Variants in TRMT2B observed in about 807,000 individuals in gnomAD.
TRMT2B encodes tRNA methyltransferase 2B.
A neutral mutation model predicts 39.7 loss-of-function variants in TRMT2B; 34 were observed. The observed-to-expected ratio is 0.86, with a 90% CI of 0.65 to 1.14. The LOEUF is 1.14. Among genes scored for constraint, TRMT2B ranks in the 50% most tolerant of loss-of-function variants. The pLI is 0.00. For missense variants in TRMT2B, 318 were observed against 377.2 expected (o/e 0.84, Z 1.30); for synonymous variants, 132 against 137.3 (o/e 0.96, Z 0.27).
the TRMT2B span, among the ~76,000 whole-genome samples, chrX:100,978,510 T>G: frequency 9.0e-6 from 1 of 111,723 alleles, no homozygotes; most frequent in Admixed American, 9.6e-5. Flanking sequence ...GTCTGAAGTA[T>G]AGCTACTCCC....
At chrX:100,988,863 T>TC in the TRMT2B span, among the ~76,000 whole-genome samples, 4 of 98,579 alleles carry the variant, frequency 4.1e-5, no homozygotes, top group African/African-American at 1.5e-4. Context: ...TATATATATA[T>TC]ATATATATAT....
Position 101,051,837 on chromosome X carries a change from G to A in TRMT2B, c.-527C>T, listed in dbSNP as rs2089118545. On this transcript the variant is annotated 5_prime_UTR_variant, in exon 1 of 14. Coordinates refer to ENST00000372936, the MANE Select transcript of TRMT2B (RefSeq NM_024917.6). ...CAAACCTGAGGCGGCAAACTAAAAG[G>A]CCAGCGGATGGCCTGGTTTGCTGCG... 2.8e-6 allele frequency: 1 copy of A among 360,225 alleles called. No individual in the cohort carries two copies. Among genetic ancestry groups the A allele is most frequent in the South Asian group, 1.4e-4 (1 of 7,027 alleles). The allele number at this position is 360,225 out of a possible 1,213,427, so 29.7% of individuals were successfully genotyped here.
At chrX:101,015,982 A>G (rs1396974405) in intron 13 of TRMT2B, among the ~76,000 whole-genome samples, 2 of 111,039 alleles carry the variant, frequency 1.8e-5, no homozygotes, top group Non-Finnish European at 3.8e-5. Context: ...AGGTAGGAGA[A>G]TTGCTTGAAC....
intron 13 of TRMT2B, among the ~76,000 whole-genome samples, chrX:101,012,270 G>C (rs1176266049): frequency 9.1e-6 from 1 of 109,611 alleles, no homozygotes; most frequent in Admixed American, 9.8e-5. Flanking sequence ...TGTTACAACA[G>C]CTATGATGTC....
At chrX:100,990,854 C>A in the TRMT2B span, 1 of 285,434 alleles carries the variant, frequency 3.5e-6, no homozygotes, top group Non-Finnish European at 6.2e-6. Context: ...GAATCATTTT[C>A]AGTCATACCT....
At chrX:101,008,341 A>G (rs1264135941), downstream of TRMT2B, among the ~76,000 whole-genome samples, 1 of 112,195 alleles carries the variant, frequency 8.9e-6, no homozygotes, top group Non-Finnish European at 1.9e-5. Flanking sequence ...AAAATAAGGA[A>G]AGGAAAAAAT....
chrX:101,004,936 T>C (rs1458508045), downstream of TRMT2B, among the ~76,000 whole-genome samples: 1 of 111,591 alleles, frequency 9.0e-6, no homozygotes, highest in Non-Finnish European at 1.9e-5. Context: ...CTGAGGGGTT[T>C]CTCAGGATGT....
At position 101,010,590 on chromosome X, in the gene TRMT2B, A is replaced by G. The variant is rs376679816; in HGVS notation, c.1506T>C (p.Phe502=). The change falls in exon 14 of 14, where the codon TTT becomes TTC. Residue 502 remains phenylalanine (F), a synonymous_variant. Coordinates refer to ENST00000372936, the MANE Select transcript of TRMT2B (RefSeq NM_024917.6). The part of the protein sequence containing the change: ...HTPHCELVLL[F]TR ...TCTTCTAGGAGGCTGCTTATCGAGT[A>G]AAGAGGAGCACCAGCTCACAATGTG... 2.7e-5 allele frequency: 33 copies of G among 1,209,442 alleles called. No homozygotes were observed. The African/African-American group carries it at 4.9e-4, about 18-fold the overall frequency.
intron 2 of TRMT2B, among the ~76,000 whole-genome samples, chrX:101,047,800 C>A (rs1455523185): frequency 9.1e-6 from 1 of 109,809 alleles, no homozygotes; most frequent in East Asian, 2.9e-4. Flanking sequence ...CAGAGCAGAA[C>A]TGGGCGACAG....
intron 7 of TRMT2B, among the ~76,000 whole-genome samples, chrX:101,030,385 T>C (rs912107896): frequency 9.1e-6 from 1 of 109,359 alleles, no homozygotes; most frequent in African/African-American, 3.4e-5. Flanking sequence ...AGTTCAGAAC[T>C]TGGAGATACC....
At chrX:101,030,454 C>CTTTTTTTTTTTTTTTTTTTTTTTT in intron 7 of TRMT2B, among the ~76,000 whole-genome samples, 1 of 71,863 alleles carries the variant, frequency 1.4e-5, no homozygotes, top group Non-Finnish European at 2.5e-5. Flanking sequence ...GATCTGCATT[C>CTTTTTTTTTTTTTTTTTTTTTTTT]TTTTTTTTTT....
At chrX:101,051,022 A>G (rs1029189580) in intron 2 of TRMT2B, among the ~76,000 whole-genome samples, 6 of 109,711 alleles carry the variant, frequency 5.5e-5, no homozygotes, top group South Asian at 4.0e-4. Flanking sequence ...AGCCTGGGTG[A>G]CAAAGCTAGA....
At chrX:100,990,618 T>G in the TRMT2B span, 1 of 1,136,001 alleles carries the variant, frequency 8.8e-7, no homozygotes, top group Non-Finnish European at 1.2e-6. Context: ...ATGGCATCCA[T>G]TGAGAATGAA....
At position 101,010,668 on chromosome X, in the gene TRMT2B, G is replaced by A. The variant is rs778406818; in HGVS notation, c.1428C>T (p.Gly476=). 2.6e-5 allele frequency: 31 copies of A among 1,208,695 alleles called. No individual in the cohort carries two copies. In the South Asian group the frequency reaches 3.2e-4, roughly 12 times the overall value. Residue 476 remains glycine, a synonymous_variant, in exon 14 of 14, where the codon GGC becomes GGT. Coordinates refer to ENST00000372936, the MANE Select transcript of TRMT2B (RefSeq NM_024917.6). ...CAGCTTGCTGCAGGACAAAGGGCTC[G>A]CCTAAGAGCTTCTTAGCAGGGTCTG... The part of the protein sequence containing the change: ...CPPDPAKKLL[G]EPFVLQQAVP...
chrX:101,036,472 G>A (rs2087850048), intron 6 of TRMT2B, among the ~76,000 whole-genome samples: 1 of 105,763 alleles, frequency 9.5e-6, no homozygotes, highest in African/African-American at 3.5e-5. Context: ...AAAAGCTCAG[G>A]AATGGAATCT....
At chrX:101,048,183 G>A (rs2088822749) in intron 2 of TRMT2B, among the ~76,000 whole-genome samples, 1 of 108,080 alleles carries the variant, frequency 9.3e-6, no homozygotes, top group Non-Finnish European at 1.9e-5. Flanking sequence ...AACATTCCAT[G>A]ATCAATAAGC....
At chrX:101,045,048 G>C (rs185992253) in intron 2 of TRMT2B, among the ~76,000 whole-genome samples, 3 of 105,338 alleles carry the variant, frequency 2.8e-5, no homozygotes, top group Admixed American at 1.0e-4. Flanking sequence ...AAAGGGGGGG[G>C]TGGGGTGCTC....
At chrX:101,045,470 A>C (rs886413213) in intron 2 of TRMT2B, among the ~76,000 whole-genome samples, 2 of 105,730 alleles carry the variant, frequency 1.9e-5, no homozygotes, top group Admixed American at 1.0e-4. Flanking sequence ...AAAAAAAAAA[A>C]CAATAAACAA....
the TRMT2B span, among the ~76,000 whole-genome samples, chrX:100,980,346 C>T: frequency 5.5e-5 from 6 of 108,996 alleles, no homozygotes; most frequent in African/African-American, 1.7e-4. Context: ...TCTCCCCTTT[C>T]CTCAAGCAGA....
Sources: allele counts gnomAD v4.1 joint callset (sites outside exome capture counted in the v4.1 genomes callset), GRCh38; gene constraint gnomAD v4.1.1; transcripts MANE v1.5; gene names NCBI Gene and HGNC (gene_info 2026-07-23, HGNC 2026-07-21).